The following IMPG1 variants were observed in gnomAD, a reference collection of about 807,000 sequenced individuals.
IMPG1 encodes the protein interphotoreceptor matrix proteoglycan 1, also known as interphotoreceptor matrix proteoglycan of 150 kDa.
Under a neutral mutation model 92.0 loss-of-function variants are expected in IMPG1, and 85 were observed. That is an observed-to-expected ratio of 0.92 (90% CI 0.78 to 1.11). The LOEUF (loss-of-function observed/expected upper bound fraction) is 1.11. Ranked by LOEUF, IMPG1 falls within the 50% of genes least tolerant of loss-of-function variation. The pLI is 0.00. For synonymous variants in IMPG1, 367 were observed against 334.1 expected (o/e 1.10, Z -1.08); for missense variants, 1,022 against 956.0 (o/e 1.07, Z -0.91).
rs567689696 is a variant in IMPG1 at position 76,024,253 on chromosome 6, A to T, written c.562+941T>A. On this transcript the variant is annotated intron_variant, in intron 5 of 16. Transcript: ENST00000369950. Reference sequence around the variant, plus strand: ...AATGGGAAAGTAATATCATTTATTTACAAATATCTATTTTCTCAATTTCTA... The same window carrying T: ...AATGGGAAAGTAATATCATTTATTTTCAAATATCTATTTTCTCAATTTCTA... 5.3e-5 allele frequency among the ~76,000 whole-genome samples: 8 copies of T among 152,314 alleles called. No homozygotes were observed. In the South Asian group the frequency reaches 1.7e-3, roughly 32 times the overall value.
rs540026801 is a variant in IMPG1 at position 75,965,270 on chromosome 6, G to T, written c.1292-14176C>A. On this transcript the variant is annotated intron_variant, in intron 12 of 16. Coordinates refer to ENST00000369950, the MANE Select transcript of IMPG1 (RefSeq NM_001563.4). ...GTTAAATTTCTGGAGAAATTATCAA[G>T]CTATTTTACAGAGAGGCTGTACTAT... is the stretch of plus-strand genomic sequence containing the variant. 1.2e-4 allele frequency among the ~76,000 whole-genome samples: 18 copies of T among 152,118 alleles called. No individual in the cohort carries two copies. In the South Asian group the frequency reaches 1.9e-3, roughly 16 times the overall value.
At chr6:75,962,585 A>G (rs923129973) in intron 12 of IMPG1, among the ~76,000 whole-genome samples, 9 of 152,204 alleles carry the variant, frequency 5.9e-5, no homozygotes, top group African/African-American at 2.2e-4. Context: ...AGGCCAAGGA[A>G]AATCCAAGAT....
At chr6:76,059,973 G>C (rs1784178293) in intron 1 of IMPG1, among the ~76,000 whole-genome samples, 1 of 152,138 alleles carries the variant, frequency 6.6e-6, no homozygotes, top group Admixed American at 6.6e-5. Flanking sequence ...AGACAAATTA[G>C]TTCTACATGT....
At chr6:75,959,476 C>A (rs1782180266) in intron 12 of IMPG1, among the ~76,000 whole-genome samples, 1 of 152,210 alleles carries the variant, frequency 6.6e-6, no homozygotes, top group Non-Finnish European at 1.5e-5. Context: ...ACAGCCCCCC[C>A]TTCCCCCAGG....
At chr6:76,056,047 G>A (rs1436276747) in intron 1 of IMPG1, among the ~76,000 whole-genome samples, 1 of 151,726 alleles carries the variant, frequency 6.6e-6, no homozygotes, top group African/African-American at 2.4e-5. Context: ...AAAATTTATG[G>A]TCCGAGCTTG....
chr6:76,069,039 T>C (rs536147085), intron 1 of IMPG1, among the ~76,000 whole-genome samples: 1 of 152,168 alleles, frequency 6.6e-6, no homozygotes, highest in African/African-American at 2.4e-5. Flanking sequence ...TAAAAAGATA[T>C]ATATAGAATG....
In IMPG1 at chr6:75,931,060, G is replaced by A. The variant is rs199559845; in HGVS notation, c.2136C>T (p.Cys712=). ...NERTEEAECR[C]KPGYDSQGSL... ...TCCCCTGGCTGTCATATCCTGGTTT[G>A]CAGCGACACTCCGCTTCCTCAGTCC... Residue 712 remains cysteine, a synonymous_variant, in exon 15 of 17, where the codon TGC becomes TGT. Coordinates refer to ENST00000369950, the MANE Select transcript of IMPG1 (RefSeq NM_001563.4). The A allele has an allele frequency of 1.2e-6, 2 of 1,614,148 alleles. No individual in the cohort carries two copies. Among genetic ancestry groups the A allele is most frequent in the African/African-American group, 2.7e-5 (2 of 75,036 alleles).
intron 4 of IMPG1, 69 bp downstream of exon 4, chr6:76,034,245 GT>G: frequency 2.1e-6 from 3 of 1,440,160 alleles, no homozygotes; most frequent in Non-Finnish European, 1.9e-6. Context: ...GAATAGCTTA[GT>G]TTCACTCCAT....
intron 14 of IMPG1, among the ~76,000 whole-genome samples, chr6:75,942,699 A>G (rs1328695072): frequency 6.6e-5 from 10 of 152,220 alleles, no homozygotes; most frequent in Admixed American, 6.5e-4. Flanking sequence ...ATATCCCACC[A>G]AAAGGAGAAA....
intron 1 of IMPG1, among the ~76,000 whole-genome samples, chr6:76,053,790 A>T (rs1243547685): frequency 6.6e-6 from 1 of 152,082 alleles, no homozygotes; most frequent in Non-Finnish European, 1.5e-5. Flanking sequence ...CAAACCACAC[A>T]CTACTCTTTG....
In IMPG1 at chr6:75,965,606, C is replaced by CTTTTT. The variant is rs35490140; in HGVS notation, c.1292-14517_1292-14513dup. Among the ~76,000 whole-genome samples, 173 of 112,480 alleles carry CTTTTT rather than the reference C, an allele frequency of 1.5e-3. 4 individuals carry two copies. Among genetic ancestry groups the CTTTTT allele is most frequent in the African/African-American group, 2.5e-3 (71 of 28,422 alleles). 73.8% of individuals were successfully genotyped at this position (112,480 alleles called of 152,430 possible). ...TGTTTATATTTTCTACATACTTGTT[C>CTTTTT]TTTTTTTTTTTTTTTTTTTGAGACG... On this transcript the variant is annotated intron_variant, in intron 12 of 16. Coordinates refer to ENST00000369950, the MANE Select transcript of IMPG1 (RefSeq NM_001563.4).
chr6:76,055,143 A>C (rs186051728), intron 1 of IMPG1, among the ~76,000 whole-genome samples: 216 of 152,198 alleles, frequency 1.4e-3, no homozygotes, highest in Non-Finnish European at 2.5e-3. Context: ...AGGGAAAATA[A>C]ACAAACATTG....
At chr6:76,032,289 C>A (rs1225164301) in intron 4 of IMPG1, among the ~76,000 whole-genome samples, 2 of 107,438 alleles carry the variant, frequency 1.9e-5, no homozygotes, top group Non-Finnish European at 1.9e-5. Context: ...TATGGATGGA[C>A]CCTGCGTTGC....
intron 15 of IMPG1, among the ~76,000 whole-genome samples, chr6:75,927,123 T>C (rs1223445412): frequency 6.6e-6 from 1 of 152,212 alleles, no homozygotes; most frequent in Non-Finnish European, 1.5e-5. Flanking sequence ...TTCTTAGTTT[T>C]TCCTTACAGG....
At chr6:75,938,768 G>A (rs1215642317) in intron 14 of IMPG1, among the ~76,000 whole-genome samples, 4 of 152,030 alleles carry the variant, frequency 2.6e-5, no homozygotes, top group Admixed American at 1.3e-4. Flanking sequence ...AGCTGGGATC[G>A]CGCCATTGCA....
intron 14 of IMPG1, among the ~76,000 whole-genome samples, chr6:75,932,376 G>C (rs1393185074): frequency 2.0e-5 from 3 of 152,252 alleles, no homozygotes; most frequent in African/African-American, 7.2e-5. Flanking sequence ...AACTCACACT[G>C]CTTCCACTCT....
chr6:76,062,037 T>C (rs1784215548), intron 1 of IMPG1, among the ~76,000 whole-genome samples: 1 of 152,162 alleles, frequency 6.6e-6, no homozygotes, highest in Non-Finnish European at 1.5e-5. Context: ...TTTAAATCAT[T>C]GTATATTCTG....
chr6:76,006,684 C>T (rs1197194336), intron 9 of IMPG1, among the ~76,000 whole-genome samples: 1 of 151,754 alleles, frequency 6.6e-6, no homozygotes, highest in Non-Finnish European at 1.5e-5. Context: ...ACTCTTTTCC[C>T]TCAAGCTGCT....
At chr6:75,962,179 G>A (rs183315768) in intron 12 of IMPG1, among the ~76,000 whole-genome samples, 2 of 152,016 alleles carry the variant, frequency 1.3e-5, no homozygotes, top group Non-Finnish European at 2.9e-5. Flanking sequence ...GAGTGCAGTG[G>A]CATGATCACG....
Sources: allele counts gnomAD v4.1 joint callset (sites outside exome capture counted in the v4.1 genomes callset), GRCh38; gene constraint gnomAD v4.1.1; transcripts MANE v1.5; gene names NCBI Gene and HGNC (gene_info 2026-07-23, HGNC 2026-07-21).